The following DLGAP1 variants were observed in gnomAD, a reference collection of about 807,000 sequenced individuals.
DLGAP1 encodes the protein disks large-associated protein 1.
In DLGAP1, 11 loss-of-function variants were observed where a neutral mutation model predicts 90.8. The observed-to-expected ratio is 0.12, with a 90% CI of 0.08 to 0.20. The LOEUF is 0.20. DLGAP1 is among the 10% of genes least tolerant of loss of function. The pLI is 1.00. For missense variants in DLGAP1, 1,050 were observed against 1,333.8 expected, an observed-to-expected ratio of 0.79 and a Z score of 3.31; for synonymous variants, 558 against 540.7, an observed-to-expected ratio of 1.03 and a Z score of -0.44.
rs2051663904 is a variant in DLGAP1 at position 3,526,950 on chromosome 18, C to G, written c.2479+7244G>C. Reference sequence around the variant, plus strand: ...CTGTCTTGGCTTGGAGGAAACCTCACTCACTGCAGTTTCATTATTTTATTA... The same window carrying G: ...CTGTCTTGGCTTGGAGGAAACCTCAGTCACTGCAGTTTCATTATTTTATTA... On this transcript the variant is annotated intron_variant, in intron 10 of 12. Coordinates refer to ENST00000315677, the MANE Select transcript of DLGAP1 (RefSeq NM_004746.4). This position sits in a 1 kb window ranked among gnomAD's most constrained non-coding sequence, Gnocchi z 4.7. 6.6e-6 allele frequency among the ~76,000 whole-genome samples: 1 copy of G among 151,910 alleles called. No homozygotes were observed. Among genetic ancestry groups the G allele is most frequent in the Non-Finnish European group, 1.5e-5 (1 of 68,006 alleles).
intron 2 of DLGAP1, among the ~76,000 whole-genome samples, chr18:4,040,447 G>A (rs938591966): frequency 4.6e-5 from 7 of 152,068 alleles, no homozygotes; most frequent in South Asian, 4.1e-4. Context: ...ATACAATTAC[G>A]AAACATTCAT....
chr18:3,687,669 G>A (rs2060747295), intron 7 of DLGAP1, among the ~76,000 whole-genome samples: 1 of 152,110 alleles, frequency 6.6e-6, no homozygotes, highest in Admixed American at 6.5e-5. Context: ...TGAAGATATA[G>A]CTATGAACTT....
At chr18:4,046,247 T>C (rs2075052232) in intron 2 of DLGAP1, among the ~76,000 whole-genome samples, 1 of 152,234 alleles carries the variant, frequency 6.6e-6, no homozygotes, top group Admixed American at 6.5e-5. Flanking sequence ...ACTTATTTAT[T>C]GGTAGAGCTT....
intron 1 of DLGAP1, among the ~76,000 whole-genome samples, chr18:4,324,090 T>C (rs2080760399): frequency 1.3e-5 from 2 of 151,694 alleles, no homozygotes; most frequent in South Asian, 4.2e-4. Context: ...AGTTGGTTCT[T>C]TGAAAAAAAT....
intron 9 of DLGAP1, among the ~76,000 whole-genome samples, chr18:3,550,521 TG>T (rs1339883765): frequency 6.6e-6 from 1 of 152,130 alleles, no homozygotes; most frequent in Admixed American, 6.6e-5. Context: ...CCACTGCACC[TG>T]GCCTTAGGGC....
At chr18:4,012,747 A>C (rs1265089628) in intron 2 of DLGAP1, among the ~76,000 whole-genome samples, 8 of 140,500 alleles carry the variant, frequency 5.7e-5, no homozygotes, top group Non-Finnish European at 9.2e-5. Context: ...ACAGGGTCTT[A>C]CTCTGTTACC....
intron 7 of DLGAP1, among the ~76,000 whole-genome samples, chr18:3,700,417 C>A (rs1296600782): frequency 6.6e-6 from 1 of 152,046 alleles, no homozygotes; most frequent in Non-Finnish European, 1.5e-5. Flanking sequence ...AAGGCAAAAC[C>A]CCACCCTGCT....
In DLGAP1 at chr18:3,985,006, T is replaced by C. The variant is rs369889574; in HGVS notation, c.-73+20110A>G. ...CTTATTTCCACCCTCATTGTTTTTGTTAAAGCCATTGTCCCTTCTTGGAAA... is the reference window on the plus strand; with the variant it reads ...CTTATTTCCACCCTCATTGTTTTTGCTAAAGCCATTGTCCCTTCTTGGAAA... On this transcript the variant is annotated intron_variant, in intron 3 of 12. Coordinates refer to ENST00000315677, the MANE Select transcript of DLGAP1 (RefSeq NM_004746.4). Among the ~76,000 whole-genome samples the C allele has an allele frequency of 6.6e-5, 10 of 152,336 alleles. 1 individual carries two copies. The highest frequency in any genetic ancestry group is 6.2e-4 in the South Asian group (3 of 4,820).
intron 1 of DLGAP1, among the ~76,000 whole-genome samples, chr18:4,354,659 G>GA (rs1489955604): frequency 7.9e-5 from 12 of 151,750 alleles, no homozygotes; most frequent in Admixed American, 7.9e-4. Context: ...TGATAGGGAG[G>GA]AAAGGTATCA....
intron 7 of DLGAP1, among the ~76,000 whole-genome samples, chr18:3,717,029 G>A (rs1303972879): frequency 7.1e-6 from 1 of 140,584 alleles, no homozygotes; most frequent in Non-Finnish European, 1.5e-5. Flanking sequence ...TGCAAAGAGG[G>A]TGAGTTTGCC....
At chr18:4,324,188 C>T (rs1446401799) in intron 1 of DLGAP1, among the ~76,000 whole-genome samples, 1 of 151,776 alleles carries the variant, frequency 6.6e-6, no homozygotes, top group Non-Finnish European at 1.5e-5. Context: ...AAAGATGTTA[C>T]CACTGACCGC....
chr18:3,589,411 C>G (rs993781571), intron 7 of DLGAP1, among the ~76,000 whole-genome samples: 1 of 152,140 alleles, frequency 6.6e-6, no homozygotes, highest in Non-Finnish European at 1.5e-5. Context: ...AAACCCTTAC[C>G]AGCTAAGCGA....
At chr18:3,664,262 TCTGA>T (rs148333968) in intron 7 of DLGAP1, among the ~76,000 whole-genome samples, 9,572 of 151,330 alleles carry the variant, frequency 0.063, 941 homozygotes, top group African/African-American at 0.21. Context: ...TCTGGAGAAC[TCTGA>T]CTAATACACC....
At chr18:3,617,944 G>T (rs972108254) in intron 7 of DLGAP1, among the ~76,000 whole-genome samples, 4 of 152,142 alleles carry the variant, frequency 2.6e-5, no homozygotes, top group African/African-American at 4.8e-5. Flanking sequence ...GATTGAGGTA[G>T]GAGAATTGTT....
At position 4,173,567 on chromosome 18, in the gene DLGAP1, T is replaced by TA. The variant is rs370201372; in HGVS notation, c.-266-22281dup. 3.3e-3 allele frequency among the ~76,000 whole-genome samples: 490 copies of TA among 150,096 alleles called. 1 individual carries two copies. The highest frequency in any genetic ancestry group is 0.01 in the Middle Eastern group (3 of 292). On this transcript the variant is annotated intron_variant, in intron 1 of 12. Transcript: ENST00000315677. The stretch of plus-strand genomic sequence containing the variant: ...TTTCTCATGGTTTCTATTTGAAAAT[T>TA]AAAAAAAAAATCCTAGGCTCTACTT...
intron 4 of DLGAP1, among the ~76,000 whole-genome samples, chr18:3,827,765 T>C (rs2067800558): frequency 6.6e-6 from 1 of 152,196 alleles, no homozygotes; most frequent in African/African-American, 2.4e-5. Flanking sequence ...TTCTCTTCTG[T>C]TGTATTCTAT....
intron 7 of DLGAP1, among the ~76,000 whole-genome samples, chr18:3,676,496 C>T (rs7236614): frequency 0.13 from 19,597 of 151,990 alleles, 2,650 homozygotes; most frequent in African/African-American, 0.34. Flanking sequence ...ATTTTCCTGC[C>T]GCGAGATGAC....
chr18:4,105,640 T>C (rs1488487198), intron 2 of DLGAP1, among the ~76,000 whole-genome samples: 1 of 152,250 alleles, frequency 6.6e-6, no homozygotes, highest in Non-Finnish European at 1.5e-5. Flanking sequence ...CAGAAATGTA[T>C]TGCTATTTAA....
In DLGAP1 at chr18:3,977,434, G is replaced by GGTTTTTTTTTTTTTTT. The variant is rs767760816; in HGVS notation, c.-73+27681_-73+27682insAAAAAAAAAAAAAAAC. Among the ~76,000 whole-genome samples, 74 of 95,332 alleles carry GGTTTTTTTTTTTTTTT rather than the reference G, an allele frequency of 7.8e-4. 1 individual carries two copies. The highest frequency in any genetic ancestry group is 1.3e-3 in the African/African-American group (30 of 23,972). The allele number at this position is 95,332 out of a possible 152,430, so 62.5% of individuals were successfully genotyped here. ...AGTTAATGAATTATGTTTATTCTGT[G>GGTTTTTTTTTTTTTTT]TTTTTTTTTTTTTTTTTTTTGCTGA... On this transcript the variant is annotated intron_variant, in intron 3 of 12. Coordinates refer to ENST00000315677, the MANE Select transcript of DLGAP1 (RefSeq NM_004746.4).
Sources: allele counts gnomAD v4.1 joint callset (sites outside exome capture counted in the v4.1 genomes callset), GRCh38; gene constraint gnomAD v4.1.1; non-coding constraint Gnocchi (gnomAD v3.1); transcripts MANE v1.5; gene names NCBI Gene and HGNC (gene_info 2026-07-23, HGNC 2026-07-21).